Variants in PLXND1 observed in about 807,000 individuals in gnomAD.
PLXND1 encodes plexin D1.
Under a neutral mutation model 197.7 loss-of-function variants are expected in PLXND1, and 54 were observed. The observed-to-expected ratio is 0.27, with a 90% CI of 0.22 to 0.34. PLXND1 has a LOEUF of 0.34. PLXND1 is among the 10% of genes least tolerant of loss of function. The pLI is 1.00. For missense variants in PLXND1, 2,127 were observed against 2,699.2 expected, an observed-to-expected ratio of 0.79 and a Z score of 4.70; for synonymous variants, 1,180 against 1,161.2, an observed-to-expected ratio of 1.02 and a Z score of -0.33.
intron 1 of PLXND1, among the ~76,000 whole-genome samples, chr3:129,596,416 C>T (rs754140356): frequency 1.3e-5 from 2 of 152,154 alleles, no homozygotes; most frequent in African/African-American, 2.4e-5. Context: ...CCCAGCTCCC[C>T]CTTCATGAAG....
chr3:129,562,005 T>C, intron 27 of PLXND1, 102 bp from the exon 28 acceptor site: 2 of 767,170 alleles, frequency 2.6e-6, no homozygotes, highest in South Asian at 1.5e-5. Context: ...GCTCTCTCCA[T>C]GTAAACTGAG....
chr3:129,580,357 C>T (rs901596928), intron 8 of PLXND1, among the ~76,000 whole-genome samples: 12 of 152,200 alleles, frequency 7.9e-5, no homozygotes, highest in Admixed American at 6.5e-4. Context: ...CAGACGGAGT[C>T]AGCGGCGGGC....
chr3:129,584,639 C>T (rs1254565420), intron 5 of PLXND1, 77 bp from the exon 6 acceptor site: 10 of 1,385,874 alleles, frequency 7.2e-6, no homozygotes, highest in Non-Finnish European at 3.9e-6. Flanking sequence ...TGCACCAACC[C>T]AAGGTCTGGC....
intron 8 of PLXND1, among the ~76,000 whole-genome samples, chr3:129,580,095 A>G (rs2085365360): frequency 6.6e-6 from 1 of 152,142 alleles, no homozygotes; most frequent in Non-Finnish European, 1.5e-5. Context: ...AGAATAGGAA[A>G]CTGAGGCACA....
At position 129,557,850 on chromosome 3, in the gene PLXND1, C is replaced by T. The variant is rs1327982589; in HGVS notation, c.5445+578G>A. On this transcript the variant is annotated intron_variant, in intron 33 of 35. Coordinates refer to ENST00000324093, the MANE Select transcript of PLXND1 (RefSeq NM_015103.3). The surrounding 1 kb of genome is among the most constrained non-coding windows in gnomAD (Gnocchi z 4.8). ...TTAATGATACAATCTCATCCCTGCT[C>T]ACAGCAACCGGCTGCTTTCCTGCCT... Among the ~76,000 whole-genome samples, 4 of 152,206 alleles carry T rather than the reference C, an allele frequency of 2.6e-5. No individual in the cohort carries two copies. The highest frequency in any genetic ancestry group is 6.5e-5 in the Admixed American group (1 of 15,286).
Position 129,605,515 on chromosome 3 carries a change from G to T in PLXND1, c.1125C>A (p.Pro375=). The part of the protein sequence containing the change: ...RERLFAVFER[P]QGSPAARAAP... ...CAGCGCGGGCCGCGGGGGACCCCTG[G>T]GGCCGCTCGAAGACAGCAAAGAGCC... Residue 375 remains proline (P), a synonymous_variant, in exon 1 of 36, where the codon CCC becomes CCA. Transcript: ENST00000324093. The T allele has an allele frequency of 6.6e-7, 1 of 1,512,860 alleles. No homozygotes were observed. The highest frequency in any genetic ancestry group is 8.8e-7 in the Non-Finnish European group (1 of 1,137,308). 93.7% of individuals were successfully genotyped at this position (1,512,860 alleles called of 1,614,324 possible). A position where few individuals can be genotyped will look rare whatever the true frequency, so the allele number is the denominator to read the frequency against.
intron 2 of PLXND1, among the ~76,000 whole-genome samples, chr3:129,587,721 G>A (rs1345166465): frequency 1.3e-5 from 2 of 152,192 alleles, no homozygotes; most frequent in Non-Finnish European, 2.9e-5. Context: ...GACAACCCCA[G>A]CTTTATCTCC....
chr3:129,580,033 T>C (rs2085364493), intron 8 of PLXND1, among the ~76,000 whole-genome samples: 1 of 152,172 alleles, frequency 6.6e-6, no homozygotes, highest in Non-Finnish European at 1.5e-5. Flanking sequence ...ATTTACCAAA[T>C]TCTACTCCCA....
At position 129,558,682 on chromosome 3, in the gene PLXND1, G is replaced by A. The variant is rs1578301805; in HGVS notation, c.5298-107C>T. 2.7e-6 allele frequency: 3 copies of A among 1,123,236 alleles called. No individual in the cohort carries two copies. The highest frequency in any genetic ancestry group is 2.4e-5 in the East Asian group (1 of 41,660). 69.6% of individuals were successfully genotyped at this position (1,123,236 alleles called of 1,614,324 possible). ...CTTTGTCCCTCAAGGGCCTGAGGTT[G>A]GAGCCTTGTCACAAGATGTGACCTT... On this transcript the variant is annotated intron_variant, in intron 32 of 35. Transcript: ENST00000324093. This position sits in a 1 kb window ranked among gnomAD's most constrained non-coding sequence, Gnocchi z 4.1.
rs757633392 is a variant in PLXND1 at position 129,578,396 on chromosome 3, A to G, written c.2279T>C (p.Leu760Pro). Residue 760 changes from leucine (L) to proline (P), a missense_variant, in exon 9 of 36, where the codon CTG (leucine) becomes CCG (proline). This residue lies in a region of PLXND1 where 1,095 missense variants were observed against 1,259.8 expected (regional missense o/e 0.87). Transcript: ENST00000324093. ...QDCPRTLLSP[L>P]APVPTGGSQN... The stretch of plus-strand genomic sequence containing the variant: ...GGAGCCACCCGTAGGCACGGGTGCC[A>G]GGGGTGAGAGCAGGGTCCGGGGGCA... The G allele has an allele frequency of 3.7e-6, 6 of 1,604,492 alleles. No individual in the cohort carries two copies. The highest frequency in any genetic ancestry group is 5.1e-6 in the Non-Finnish European group (6 of 1,176,282).
At chr3:129,575,445 T>G in intron 11 of PLXND1, 24 bp downstream of exon 11, 3 of 1,460,960 alleles carry the variant, frequency 2.1e-6, no homozygotes, top group Non-Finnish European at 2.8e-6. Context: ...CCCGAGGCCA[T>G]GTGGGGCGGG....
chr3:129,573,543 C>G (rs779771770), intron 13 of PLXND1, 51 bp downstream of exon 13: 1 of 1,550,324 alleles, frequency 6.5e-7, no homozygotes, highest in South Asian at 1.2e-5. Context: ...GAGGACAGAG[C>G]AGAGGCTGGC....
At chr3:129,601,090 AG>A (rs2085701354) in intron 1 of PLXND1, among the ~76,000 whole-genome samples, 1 of 152,156 alleles carries the variant, frequency 6.6e-6, no homozygotes, top group Non-Finnish European at 1.5e-5. Context: ...TTCCCCCATC[AG>A]TGGCACTCAA....
At chr3:129,571,621 A>G (rs777742224) in intron 16 of PLXND1, 22 bp from the exon 17 acceptor site, 1 of 1,613,702 alleles carries the variant, frequency 6.2e-7, no homozygotes, top group Non-Finnish European at 8.5e-7. Context: ...AGCAAAACCT[A>G]TCAGTGCACC....
intron 1 of PLXND1, among the ~76,000 whole-genome samples, chr3:129,604,226 C>G (rs2085751769): frequency 6.6e-6 from 1 of 152,172 alleles, no homozygotes; most frequent in African/African-American, 2.4e-5. Context: ...CTCTCCTGCC[C>G]CCAAAACACC....
Position 129,565,514 on chromosome 3 carries a change from G to A in PLXND1, c.4347C>T (p.Thr1449=), listed in dbSNP as rs1449500645. ...ACTCCAGCTTGCCGTGCAGCGCGAT[G>A]GTCAGCAGCGAGGCCAGGCTGCACC... is the stretch of plus-strand genomic sequence containing the variant. ...RDRCSLASLL[T]IALHGKLEYY... is the part of the protein sequence containing the mutation. Residue 1449 remains threonine, a synonymous_variant, in exon 25 of 36, where the codon ACC becomes ACT. Coordinates refer to ENST00000324093, the MANE Select transcript of PLXND1 (RefSeq NM_015103.3). 1.2e-6 allele frequency: 2 copies of A among 1,613,658 alleles called. No homozygotes were observed. Among genetic ancestry groups the A allele is most frequent in the South Asian group, 1.1e-5 (1 of 91,066 alleles).
At chr3:129,563,508 G>A (rs2085093378) in intron 25 of PLXND1, among the ~76,000 whole-genome samples, 1 of 152,250 alleles carries the variant, frequency 6.6e-6, no homozygotes, top group Non-Finnish European at 1.5e-5. Flanking sequence ...AGCCAACAGT[G>A]CCGAGGCTCA....
chr3:129,602,224 C>T (rs2085718874), intron 1 of PLXND1, among the ~76,000 whole-genome samples: 1 of 152,210 alleles, frequency 6.6e-6, no homozygotes. Context: ...CTGGCTAAAA[C>T]CCTTCATGGC....
At position 129,557,060 on chromosome 3, in the gene PLXND1, C is replaced by A; in HGVS notation, c.5586+23G>T. ...ATCCCTCAGCTCTTCAGGCCCCCAT[C>A]CCCCGCCGCCGAGCCACCGCACCCT... is the stretch of plus-strand genomic sequence containing the variant. On this transcript the variant is annotated intron_variant, in intron 34 of 35. Transcript: ENST00000324093. The surrounding 1 kb of genome is among the most constrained non-coding windows in gnomAD (Gnocchi z 4.8). The A allele has an allele frequency of 6.2e-7, 1 of 1,610,942 alleles. No individual in the cohort carries two copies. The highest frequency in any genetic ancestry group is 8.5e-7 in the Non-Finnish European group (1 of 1,178,912).
Sources: allele counts gnomAD v4.1 joint callset (sites outside exome capture counted in the v4.1 genomes callset), GRCh38; gene constraint gnomAD v4.1.1; regional missense constraint gnomAD v4.1.1; non-coding constraint Gnocchi (gnomAD v3.1); transcripts MANE v1.5; gene names NCBI Gene and HGNC (gene_info 2026-07-23, HGNC 2026-07-21).